Variants in NAA11 observed in about 807,000 individuals in gnomAD.
NAA11 encodes N-alpha-acetyltransferase 11, NatA catalytic subunit.
NAA11 carries 15 observed loss-of-function variants against 16.1 expected under a neutral mutation model. The ratio of observed to expected loss-of-function variants is 0.93; its 90% CI spans 0.62 to 1.44. The LOEUF is 1.44. Ranked by LOEUF, NAA11 falls within the 40% of genes most tolerant of loss-of-function variation. NAA11 has a pLI of 0.00. For synonymous variants in NAA11, 122 were observed against 112.4 expected, an observed-to-expected ratio of 1.09 and a Z score of -0.54; for missense variants, 298 against 291.3, an observed-to-expected ratio of 1.02 and a Z score of -0.17.
intron 2 of NAA11, among the ~76,000 whole-genome samples, chr4:79,280,687 A>G (rs1722765973): frequency 6.6e-6 from 1 of 151,896 alleles, no homozygotes; most frequent in Non-Finnish European, 1.5e-5. Flanking sequence ...AACTCTGTGG[A>G]GTTTGAGGAC....
chr4:79,307,513 A>G (rs999569596), intron 1 of NAA11, among the ~76,000 whole-genome samples: 8 of 152,324 alleles, frequency 5.3e-5, no homozygotes, highest in Admixed American at 2.0e-4. Context: ...TAGAAGATCA[A>G]AAAGCTACAT....
chr4:79,300,648 T>G (rs1723358365), intron 1 of NAA11, among the ~76,000 whole-genome samples: 1 of 151,946 alleles, frequency 6.6e-6, no homozygotes, highest in African/African-American at 2.4e-5. Context: ...TGAAGTAGAG[T>G]GAGCGGTAGG....
chr4:79,190,302 T>G, the NAA11 span, among the ~76,000 whole-genome samples: 2 of 152,224 alleles, frequency 1.3e-5, no homozygotes, highest in African/African-American at 2.4e-5. Context: ...AAAAGTATTT[T>G]AAAATAAACT....
chr4:79,269,528 C>T (rs1196128292), intron 2 of NAA11, among the ~76,000 whole-genome samples: 114 of 149,608 alleles, frequency 7.6e-4, no homozygotes, highest in African/African-American at 2.4e-3. Context: ...TCATGTCCTT[C>T]GCCCACTTTT....
chr4:79,302,600 G>A (rs1052860147), intron 1 of NAA11, among the ~76,000 whole-genome samples: 1 of 151,902 alleles, frequency 6.6e-6, no homozygotes, highest in Non-Finnish European at 1.5e-5. Context: ...TTCTATATAT[G>A]TATATTTGCA....
the NAA11 span, among the ~76,000 whole-genome samples, chr4:79,207,760 A>G: frequency 1.3e-5 from 2 of 152,124 alleles, no homozygotes; most frequent in African/African-American, 2.4e-5. Flanking sequence ...TGCTTTTATC[A>G]TTCATTTTTC....
At chr4:79,173,647 T>A in the NAA11 span, among the ~76,000 whole-genome samples, 14,270 of 151,906 alleles carry the variant, frequency 0.094, 855 homozygotes, top group African/African-American at 0.16. Flanking sequence ...ATACTGAGAA[T>A]AGAACCACTA....
chr4:79,197,405 A>C, the NAA11 span: 2 of 151,988 alleles, frequency 1.3e-5, no homozygotes. Flanking sequence ...TCTTCCCTGC[A>C]TCTATCTTCT....
the NAA11 span, among the ~76,000 whole-genome samples, chr4:79,167,592 G>A: frequency 7.2e-5 from 11 of 152,030 alleles, no homozygotes; most frequent in Admixed American, 5.2e-4. Flanking sequence ...AGTTGTCAGT[G>A]TGAGTTTTCC....
the NAA11 span, among the ~76,000 whole-genome samples, chr4:79,192,022 T>C: frequency 2.0e-5 from 3 of 152,166 alleles, no homozygotes; most frequent in Admixed American, 6.5e-5. Context: ...GAACTTTCTA[T>C]TCTGTTTCAT....
chr4:79,302,596 ATATG>A (rs1723425130), intron 1 of NAA11, among the ~76,000 whole-genome samples: 1 of 152,126 alleles, frequency 6.6e-6, no homozygotes, highest in South Asian at 2.1e-4. Flanking sequence ...TTTATTCTAT[ATATG>A]TATATTTGCA....
intron 2 of NAA11, among the ~76,000 whole-genome samples, chr4:79,237,047 C>G (rs1721585669): frequency 1.3e-5 from 2 of 152,156 alleles, no homozygotes; most frequent in Non-Finnish European, 2.9e-5. Context: ...TTTCCCCTTT[C>G]TTAGAGTACA....
the NAA11 span, among the ~76,000 whole-genome samples, chr4:79,218,645 C>G: frequency 6.6e-6 from 1 of 151,918 alleles, no homozygotes; most frequent in South Asian, 2.1e-4. Context: ...TTATCCCAAC[C>G]TCAATTCCGC....
the NAA11 span, among the ~76,000 whole-genome samples, chr4:79,174,811 TCAAA>T: frequency 6.6e-6 from 1 of 152,100 alleles, no homozygotes; most frequent in African/African-American, 2.4e-5. Flanking sequence ...AGCCAGGAAC[TCAAA>T]CAGACCAAAG....
intron 2 of NAA11, among the ~76,000 whole-genome samples, chr4:79,248,972 G>A (rs921186824): frequency 8.6e-5 from 13 of 151,916 alleles, no homozygotes; most frequent in African/African-American, 2.7e-4. Flanking sequence ...GTTGTGATGA[G>A]CAGTCTGGGA....
intron 1 of NAA11, among the ~76,000 whole-genome samples, chr4:79,323,663 AC>A (rs1247839119): frequency 2.6e-5 from 4 of 152,178 alleles, no homozygotes; most frequent in African/African-American, 9.7e-5. Flanking sequence ...TACTAAAAAT[AC>A]AAAAAAATTA....
intron 2 of NAA11, among the ~76,000 whole-genome samples, chr4:79,252,172 T>G (rs1342052699): frequency 6.6e-6 from 1 of 152,156 alleles, no homozygotes; most frequent in Non-Finnish European, 1.5e-5. Context: ...ATAGACAATT[T>G]AGAGACTCTA....
chr4:79,199,277 G>A, the NAA11 span, among the ~76,000 whole-genome samples: 5 of 151,988 alleles, frequency 3.3e-5, no homozygotes, highest in East Asian at 3.9e-4. Flanking sequence ...CAGTTTAAAT[G>A]TGAAACATAG....
the NAA11 span, among the ~76,000 whole-genome samples, chr4:79,170,671 A>G: frequency 6.6e-6 from 1 of 152,180 alleles, no homozygotes; most frequent in Non-Finnish European, 1.5e-5. Flanking sequence ...TTGAGAAAAT[A>G]TATTAATTTG....
Sources: gnomAD v4.1 joint callset for allele counts (sites outside exome capture counted in the v4.1 genomes callset) on GRCh38, gnomAD v4.1.1 for gene constraint, MANE v1.5 for transcripts, NCBI Gene and HGNC (gene_info 2026-07-23, HGNC 2026-07-21) for gene names.